The following PHLPP2 variants were observed in gnomAD, a reference collection of about 807,000 sequenced individuals.
The protein encoded by PHLPP2 is PH domain and leucine rich repeat protein phosphatase 2, also known as PH domain leucine-rich repeat-containing protein phosphatase 2.
PHLPP2 carries 66 observed loss-of-function variants against 124.9 expected under a neutral mutation model. The ratio of observed to expected loss-of-function variants is 0.53; its 90% CI spans 0.43 to 0.65. PHLPP2 has a LOEUF of 0.65. Among genes scored for constraint, PHLPP2 ranks in the 30% least tolerant of loss-of-function variants. The probability of loss-of-function intolerance (pLI) is 0.00; values close to 1 mark genes in which losing one functional copy is unlikely to be tolerated. For missense variants in PHLPP2, 1,685 were observed against 1,600.4 expected, an observed-to-expected ratio of 1.05 and a Z score of -0.90; for synonymous variants, 681 against 624.7, an observed-to-expected ratio of 1.09 and a Z score of -1.34.
chr16:71,672,345 T>C lies in PHLPP2; in HGVS notation c.1472-23A>G, dbSNP rs751785701. 8.9e-6 allele frequency: 14 copies of C among 1,573,656 alleles called. No homozygotes were observed. The Admixed American group carries it at 1.2e-4, about 13-fold the overall frequency. On this transcript the variant is annotated intron_variant, in intron 9 of 18. Coordinates refer to ENST00000568954, the MANE Select transcript of PHLPP2 (RefSeq NM_015020.3). The stretch of plus-strand genomic sequence containing the variant: ...GCCCTAATCCAAAAACAAACAGGTG[T>C]TAGTGACATCCTCTAAAAAAGAAAG...
At position 71,646,345 on chromosome 16, in the gene PHLPP2, C is replaced by G. The variant is rs575365038; in HGVS notation, c.*2545G>C. The G allele has an allele frequency of 2.6e-5, 4 of 152,220 alleles. No individual in the cohort carries two copies. The highest frequency in any genetic ancestry group is 9.6e-5 in the African/African-American group (4 of 41,542). 9.4% of individuals were successfully genotyped at this position (152,220 alleles called of 1,614,324 possible). On this transcript the variant is annotated 3_prime_UTR_variant, in exon 19 of 19. Transcript: ENST00000568954. The stretch of plus-strand genomic sequence containing the variant: ...TAATCAGTTTTGGTATCGCCTATAA[C>G]AAAGATTTTCAATACAACCTAATGG...
intron 4 of PHLPP2, among the ~76,000 whole-genome samples, chr16:71,687,201 T>C (rs1207147323): frequency 2.0e-5 from 3 of 152,212 alleles, no homozygotes; most frequent in East Asian, 1.9e-4. Flanking sequence ...GTTTGTTACC[T>C]GTATATCTGC....
chr16:71,653,075 G>T, intron 17 of PHLPP2, 54 bp from the exon 18 acceptor site: 2 of 1,149,722 alleles, frequency 1.7e-6, no homozygotes, highest in Non-Finnish European at 2.6e-6. Context: ...AGAAGAAAGT[G>T]GTGGTCCTGC....
chr16:71,674,587 A>C (rs1048710414), intron 9 of PHLPP2, among the ~76,000 whole-genome samples: 1 of 152,140 alleles, frequency 6.6e-6, no homozygotes, highest in Non-Finnish European at 1.5e-5. Flanking sequence ...GCTCAAAAAA[A>C]AGTGTGCAAT....
intron 10 of PHLPP2, among the ~76,000 whole-genome samples, chr16:71,670,769 G>A (rs369664785): frequency 5.3e-5 from 8 of 149,618 alleles, no homozygotes; most frequent in Admixed American, 1.3e-4. Context: ...TAATGACGAC[G>A]AACAGTGCAA....
chr16:71,672,045 G>C (rs2044898654), intron 10 of PHLPP2, among the ~76,000 whole-genome samples: 1 of 152,164 alleles, frequency 6.6e-6, no homozygotes, highest in Non-Finnish European at 1.5e-5. Context: ...TAGTCTTTAA[G>C]AAAGAGTAAT....
At chr16:71,689,365 C>T (rs1007200182) in intron 4 of PHLPP2, among the ~76,000 whole-genome samples, 7 of 145,516 alleles carry the variant, frequency 4.8e-5, no homozygotes, top group South Asian at 2.2e-4. Flanking sequence ...ACACTTCAGG[C>T]GCCACACCAC....
chr16:71,684,604 G>A lies in PHLPP2; in HGVS notation c.610-3C>T, dbSNP rs1461381825. The A allele has an allele frequency of 1.9e-6, 3 of 1,604,742 alleles. No individual in the cohort carries two copies. Among genetic ancestry groups the A allele is most frequent in the South Asian group, 2.2e-5 (2 of 90,292 alleles). ...TGCCGTCGCTTCACTTCTTCTATCT[G>A]AAGAAGAGGAGGGGAGAAAACCAGA... is the stretch of plus-strand genomic sequence containing the variant. On this transcript the variant is annotated splice_polypyrimidine_tract_variant and splice_region_variant and intron_variant, in intron 4 of 18. Transcript: ENST00000568954.
intron 2 of PHLPP2, among the ~76,000 whole-genome samples, chr16:71,703,249 T>G (rs2045248259): frequency 6.6e-6 from 1 of 152,238 alleles, no homozygotes; most frequent in African/African-American, 2.4e-5. Context: ...CTTTTTGGTG[T>G]CAGGACCCCT....
In PHLPP2 at chr16:71,690,763, G is replaced by C. The variant is rs1290568291; in HGVS notation, c.419-54C>G. The C allele has an allele frequency of 2.4e-6, 3 of 1,237,284 alleles. No individual in the cohort carries two copies. The African/African-American group carries it at 4.5e-5, about 19-fold the overall frequency. 76.6% of individuals were successfully genotyped at this position (1,237,284 alleles called of 1,614,324 possible). A position where few individuals can be genotyped will look rare whatever the true frequency, so the allele number is the denominator to read the frequency against. On this transcript the variant is annotated intron_variant, in intron 3 of 18. Transcript: ENST00000568954. ...ACCATTAAAGTAGTGTAAGAATACA[G>C]AAATGGAAAAAGAAAGCATTGTGTG...
intron 1 of PHLPP2, chr16:71,723,840 C>A: frequency 1.6e-6 from 2 of 1,233,152 alleles, no homozygotes; most frequent in South Asian, 2.7e-5. Flanking sequence ...TCCAGCGGGC[C>A]CGCGGGCCCC....
intron 1 of PHLPP2, chr16:71,723,810 C>G: frequency 7.7e-7 from 1 of 1,292,208 alleles, no homozygotes; most frequent in Non-Finnish European, 9.8e-7. Flanking sequence ...CTCGCGGGCG[C>G]TTCGGGCGGC....
chr16:71,710,035 G>C (rs1042394107), intron 2 of PHLPP2, among the ~76,000 whole-genome samples: 1 of 152,036 alleles, frequency 6.6e-6, no homozygotes, highest in Non-Finnish European at 1.5e-5. Flanking sequence ...TTTTGGTAGC[G>C]ACGGGGCTTC....
intron 2 of PHLPP2, among the ~76,000 whole-genome samples, chr16:71,707,643 G>A (rs937442394): frequency 6.6e-5 from 10 of 152,202 alleles, no homozygotes; most frequent in South Asian, 2.1e-4. Flanking sequence ...TGAACTGTTC[G>A]ATATGGTAGG....
At chr16:71,715,829 A>C (rs2045358879) in intron 1 of PHLPP2, among the ~76,000 whole-genome samples, 1 of 149,996 alleles carries the variant, frequency 6.7e-6, no homozygotes, top group African/African-American at 2.5e-5. Flanking sequence ...AATACAAAAA[A>C]AAAAAAAAAA....
chr16:71,695,712 G>GA (rs55695223), intron 3 of PHLPP2, among the ~76,000 whole-genome samples: 156 of 121,800 alleles, frequency 1.3e-3, no homozygotes, highest in South Asian at 2.3e-3. Context: ...CTCTGTCTCA[G>GA]AAAAAAAAAA....
intron 9 of PHLPP2, among the ~76,000 whole-genome samples, chr16:71,674,823 C>A (rs914204055): frequency 5.9e-5 from 9 of 152,092 alleles, no homozygotes; most frequent in African/African-American, 1.9e-4. Context: ...ATGGTGAAAC[C>A]ATGTCTCTAC....
Position 71,648,809 on chromosome 16 carries a change from A to G in PHLPP2, c.*81T>C. 5.0e-6 allele frequency: 5 copies of G among 999,450 alleles called. No homozygotes were observed. The highest frequency in any genetic ancestry group is 3.0e-5 in the South Asian group (2 of 65,674). The allele number at this position is 999,450 out of a possible 1,614,324, so 61.9% of individuals were successfully genotyped here. A position where few individuals can be genotyped will look rare whatever the true frequency, so the allele number is the denominator to read the frequency against. On this transcript the variant is annotated 3_prime_UTR_variant, in exon 19 of 19. Coordinates refer to ENST00000568954, the MANE Select transcript of PHLPP2 (RefSeq NM_015020.3). Reference sequence around the variant, plus strand: ...AAAAAAAAAACGAACAAACAAAAAGAAATGTAGAGGCAGAATGCCTCTAGC... The same window carrying G: ...AAAAAAAAAACGAACAAACAAAAAGGAATGTAGAGGCAGAATGCCTCTAGC...
At chr16:71,650,080 G>C (rs1425833520) in intron 18 of PHLPP2, 36 bp from the exon 19 acceptor site, 1 of 1,522,080 alleles carries the variant, frequency 6.6e-7, no homozygotes, top group Admixed American at 1.7e-5. Context: ...TGAGAAACAA[G>C]CAACGATGAG....
Sources: allele counts gnomAD v4.1 joint callset (sites outside exome capture counted in the v4.1 genomes callset), GRCh38; gene constraint gnomAD v4.1.1; transcripts MANE v1.5; gene names NCBI Gene and HGNC (gene_info 2026-07-23, HGNC 2026-07-21).